The following MROH2A variants were observed in gnomAD, a reference collection of about 807,000 sequenced individuals.
The protein encoded by MROH2A is maestro heat-like repeat-containing protein family member 2A.
A neutral mutation model predicts 200.4 loss-of-function variants in MROH2A; 174 were observed. The ratio of observed to expected loss-of-function variants is 0.87; its 90% confidence interval spans 0.77 to 0.98. The LOEUF (loss-of-function observed/expected upper bound fraction) is 0.98, where lower values mean the gene tolerates loss of function less well. Ranked by LOEUF, MROH2A falls within the 50% of genes least tolerant of loss-of-function variation. The probability of loss-of-function intolerance (pLI) is 0.00; values close to 1 mark genes in which losing one functional copy is unlikely to be tolerated. For missense variants in MROH2A, 2,045 were observed against 2,139.6 expected (o/e 0.96, Z 0.87); for synonymous variants, 829 against 840.4 (o/e 0.99, Z 0.23).
At chr2:233,795,895 A>G in intron 9 of MROH2A, 72 bp from the exon 10 acceptor site, 1 of 1,531,336 alleles carries the variant, frequency 6.5e-7, no homozygotes, top group South Asian at 1.2e-5. Context: ...AGCCCCAGGT[A>G]TGGTCAGCTG....
intron 39 of MROH2A, 94 bp downstream of exon 39, chr2:233,831,634 C>T: frequency 1.4e-6 from 2 of 1,383,974 alleles, no homozygotes; most frequent in Non-Finnish European, 1.9e-6. Flanking sequence ...TTTCTTGGGG[C>T]CCTATGTTTA....
In MROH2A at chr2:233,796,333, T is replaced by A; in HGVS notation, c.1252+20T>A. Reference sequence around the variant, plus strand: ...CAGATGGTGAGCAAGGCAGGGTGGGTGGGGTGGGCGGGGAGGGTGGGGTAG... The same window carrying A: ...CAGATGGTGAGCAAGGCAGGGTGGGAGGGGTGGGCGGGGAGGGTGGGGTAG... On this transcript the variant is annotated intron_variant, in intron 11 of 41. Transcript: ENST00000389758. 1 of 3,764 alleles carries A rather than the reference T, an allele frequency of 2.7e-4. No homozygotes were observed. The highest frequency in any genetic ancestry group is 3.6e-3 in the South Asian group (1 of 276). 0.2% of individuals were successfully genotyped at this position (3,764 alleles called of 1,614,324 possible). A position where few individuals can be genotyped will look rare whatever the true frequency, so the allele number is the denominator to read the frequency against.
At chr2:233,802,095 G>C in intron 14 of MROH2A, 73 bp from the exon 15 acceptor site, 1 of 1,458,222 alleles carries the variant, frequency 6.9e-7, no homozygotes, top group Non-Finnish European at 9.2e-7. Context: ...CCATGGCAGA[G>C]CCTGACTGTT....
At chr2:233,792,008 G>A (rs980401964) in intron 5 of MROH2A, among the ~76,000 whole-genome samples, 8 of 152,122 alleles carry the variant, frequency 5.3e-5, no homozygotes, top group Non-Finnish European at 7.4e-5. Flanking sequence ...TCCTTCATCC[G>A]TCTGCTCTTT....
intron 30 of MROH2A, 42 bp downstream of exon 30, chr2:233,819,511 G>A (rs1703788015): frequency 6.5e-7 from 1 of 1,538,108 alleles, no homozygotes; most frequent in Non-Finnish European, 8.8e-7. Flanking sequence ...AGGGGCTGGG[G>A]CTGCCTGGTG....
At chr2:233,795,472 T>A in intron 8 of MROH2A, 181 bp from the exon 9 acceptor site, 1 of 952,298 alleles carries the variant, frequency 1.1e-6, no homozygotes, top group Non-Finnish European at 1.6e-6. Flanking sequence ...ACCTGGGGGC[T>A]GGGTGAAATG....
chr2:233,800,404 C>A (rs1702387835), intron 14 of MROH2A, 89 bp downstream of exon 14: 1 of 767,616 alleles, frequency 1.3e-6, no homozygotes, highest in African/African-American at 1.8e-5. Context: ...ATCTTTGCTT[C>A]TTCCGTTCCT....
chr2:233,819,369 T>A lies in MROH2A; in HGVS notation c.3257T>A (p.Leu1086His). 1.3e-6 allele frequency: 2 copies of A among 1,550,424 alleles called. No homozygotes were observed. The highest frequency in any genetic ancestry group is 1.7e-6 in the Non-Finnish European group (2 of 1,146,864). Reference sequence around the variant, plus strand: ...GAGGTGGTCTCGCTCATCCAGAAGCTCTGCGAGAACACTGGGGCCATGAAC... The same window carrying A: ...GAGGTGGTCTCGCTCATCCAGAAGCACTGCGAGAACACTGGGGCCATGAAC... ...CDEVVSLIQK[L>H]CENTGAMNLQ... The change falls in exon 30 of 42, where the codon CTC becomes CAC. Residue 1086 changes from leucine to histidine, a missense_variant. Leu to His is a moderately conservative substitution (Grantham distance 99). Transcript: ENST00000389758.
rs56314558 is a variant in MROH2A at position 233,787,655 on chromosome 2, AC to A, written c.277-1841del. Among the ~76,000 whole-genome samples, 15 of 35,804 alleles carry A rather than the reference AC, an allele frequency of 4.2e-4. 1 individual carries two copies. Among genetic ancestry groups the A allele is most frequent in the East Asian group, 5.4e-3 (2 of 372 alleles). The allele number at this position is 35,804 out of a possible 152,430, so 23.5% of individuals were successfully genotyped here. ...TATATATATTATATATATCATATATACATATATATTATATATATTATATATA... is the reference window on the plus strand; with the variant it reads ...TATATATATTATATATATCATATATAATATATATTATATATATTATATATA... On this transcript the variant is annotated intron_variant, in intron 3 of 41. Transcript: ENST00000389758.
rs1309149246 is a variant in MROH2A, at chr2:233,825,766, C to A, written c.4113+2102C>A. Among the ~76,000 whole-genome samples, 3 of 151,884 alleles carry A rather than the reference C, an allele frequency of 2.0e-5. No individual in the cohort carries two copies. The East Asian group carries it at 5.8e-4, about 29-fold the overall frequency. On this transcript the variant is annotated intron_variant, in intron 35 of 41. Coordinates refer to ENST00000389758, the MANE Select transcript of MROH2A (RefSeq NM_001394639.1). ...CATCGATGTTCATCAGGGATATTGG[C>A]CTGAAGTTTTCTTTTTTTTGTTGTA...
At chr2:233,813,820 G>A in intron 25 of MROH2A, 42 bp downstream of exon 25, 3 of 1,157,050 alleles carry the variant, frequency 2.6e-6, no homozygotes, top group Non-Finnish European at 3.8e-6. Flanking sequence ...GTCAGGACCT[G>A]GGAGTTAACA....
intron 11 of MROH2A, among the ~76,000 whole-genome samples, chr2:233,797,064 T>A (rs1702161675): frequency 6.6e-6 from 1 of 152,248 alleles, no homozygotes; most frequent in South Asian, 2.1e-4. Flanking sequence ...GGCCATATAG[T>A]GTCTTTGACA....
rs6431637 is a variant in MROH2A at position 233,820,849 on chromosome 2, A to T, written c.3512+793A>T. Among the ~76,000 whole-genome samples, 1 of 152,182 alleles carries T rather than the reference A, an allele frequency of 6.6e-6. No homozygotes were observed. The highest frequency in any genetic ancestry group is 6.5e-5 in the Admixed American group (1 of 15,292). On this transcript the variant is annotated intron_variant, in intron 31 of 41. Coordinates refer to ENST00000389758, the MANE Select transcript of MROH2A (RefSeq NM_001394639.1). This position sits in a 1 kb window ranked among gnomAD's most constrained non-coding sequence, Gnocchi z 4.1. Reference sequence around the variant, plus strand: ...CTGACCTGCCCGAAATGCAGGCATGACTCCCCTGTGGAGCTGCTTCTCATA... The same window carrying T: ...CTGACCTGCCCGAAATGCAGGCATGTCTCCCCTGTGGAGCTGCTTCTCATA...
At chr2:233,818,475 T>C (rs1440866423) in intron 28 of MROH2A, among the ~76,000 whole-genome samples, 177 bp from the exon 29 acceptor site, 2 of 151,784 alleles carry the variant, frequency 1.3e-5, no homozygotes, top group African/African-American at 2.4e-5. Flanking sequence ...GGAGAGGTGG[T>C]GCGGGCAGAG....
At chr2:233,786,525 A>C (rs28899484) in intron 3 of MROH2A, among the ~76,000 whole-genome samples, 2,282 of 152,338 alleles carry the variant, frequency 0.015, 65 homozygotes, top group African/African-American at 0.052. Context: ...CTCATCTCCA[A>C]ATACTATCCC....
chr2:233,776,618 T>C (rs10199882), upstream of MROH2A, among the ~76,000 whole-genome samples: 23,162 of 152,070 alleles, frequency 0.15, 1,847 homozygotes, highest in East Asian at 0.21. Flanking sequence ...TCTTCCTCCT[T>C]GGTCTCACTG....
At position 233,830,532 on chromosome 2, in the gene MROH2A, G is replaced by A. The variant is rs575760693; in HGVS notation, c.4602+757G>A. On this transcript the variant is annotated intron_variant, in intron 38 of 41. Coordinates refer to ENST00000389758, the MANE Select transcript of MROH2A (RefSeq NM_001394639.1). ...CTTGGACTCCAGCTCTGGGGTCACA[G>A]GACAAGTACTGTCACTATGAGGGCA... Among the ~76,000 whole-genome samples the A allele has an allele frequency of 1.7e-4, 26 of 152,348 alleles. No homozygotes were observed. In the East Asian group the frequency reaches 4.8e-3, roughly 28 times the overall value.
chr2:233,815,894 G>A (rs942656604), intron 26 of MROH2A, among the ~76,000 whole-genome samples: 21 of 136,402 alleles, frequency 1.5e-4, no homozygotes, highest in African/African-American at 5.0e-4. Context: ...GATACGTTGC[G>A]TTTTAATTTT....
rs903058005 is a variant in MROH2A, at chr2:233,804,554, G to T, written c.1944+7G>T. On this transcript the variant is annotated splice_region_variant and intron_variant, in intron 18 of 41. Transcript: ENST00000389758. ...GGAAGACAAGCTGATTCAGGTAAACGGGTAACAAGTTTGCTGAGGCCTGGG... is the reference window on the plus strand; with the variant it reads ...GGAAGACAAGCTGATTCAGGTAAACTGGTAACAAGTTTGCTGAGGCCTGGG... The T allele has an allele frequency of 5.2e-6, 8 of 1,551,214 alleles. No individual in the cohort carries two copies. Among genetic ancestry groups the T allele is most frequent in the Non-Finnish European group, 7.0e-6 (8 of 1,147,108 alleles).
Sources: allele counts gnomAD v4.1 joint callset (sites outside exome capture counted in the v4.1 genomes callset), GRCh38; gene constraint gnomAD v4.1.1; non-coding constraint Gnocchi (gnomAD v3.1); transcripts MANE v1.5; gene names NCBI Gene and HGNC (gene_info 2026-07-23, HGNC 2026-07-21).